The following FGD5 variants were observed in gnomAD, a reference collection of about 807,000 sequenced individuals.
FGD5 encodes FYVE, RhoGEF and PH domain containing 5.
Under a neutral mutation model 133.4 loss-of-function variants are expected in FGD5, and 28 were observed. The observed-to-expected ratio is 0.21, with a 90% CI of 0.16 to 0.29. The LOEUF is 0.29. FGD5 is among the 10% of genes least tolerant of loss of function. FGD5 has a pLI of 1.00. For synonymous variants in FGD5, 810 were observed against 776.5 expected (o/e 1.04, Z -0.72); for missense variants, 1,858 against 1,895.2 (o/e 0.98, Z 0.36).
chr3:14,875,333 C>G (rs562295296), intron 2 of FGD5, among the ~76,000 whole-genome samples: 1 of 152,036 alleles, frequency 6.6e-6, no homozygotes, highest in African/African-American at 2.4e-5. Flanking sequence ...AGGGGGGCTG[C>G]GTGGCTGAAG....
rs539553076 is a variant in FGD5 at position 14,910,026 on chromosome 3, A to G, written c.3337-835A>G. The stretch of plus-strand genomic sequence containing the variant: ...TGATCTGCCTGCCTCAGCCTCCCAA[A>G]GTGCTGGGATTACAGGCGTGAGCCA... On this transcript the variant is annotated intron_variant, in intron 10 of 19. Coordinates refer to ENST00000285046, the MANE Select transcript of FGD5 (RefSeq NM_152536.4). Among the ~76,000 whole-genome samples, 6 of 152,108 alleles carry G rather than the reference A, an allele frequency of 3.9e-5. No individual in the cohort carries two copies. The South Asian group carries it at 1.2e-3, about 32-fold the overall frequency.
At chr3:14,840,538 T>C (rs1226811144) in intron 1 of FGD5, among the ~76,000 whole-genome samples, 1 of 152,182 alleles carries the variant, frequency 6.6e-6, no homozygotes, top group African/African-American at 2.4e-5. Context: ...ATCTTGCTTT[T>C]GTTACTTTAC....
chr3:14,813,813 A>G (rs993198613), intron 1 of FGD5, among the ~76,000 whole-genome samples: 16 of 152,096 alleles, frequency 1.1e-4, no homozygotes, highest in Admixed American at 9.8e-4. Flanking sequence ...GCTCCTCCCA[A>G]TACCCCTGCT....
intron 9 of FGD5, among the ~76,000 whole-genome samples, chr3:14,903,374 T>TATA (rs2038279405): frequency 6.6e-6 from 1 of 152,090 alleles, no homozygotes; most frequent in South Asian, 2.1e-4. Flanking sequence ...TTATTATTAT[T>TATA]ATACTTTTAG....
chr3:14,842,642 C>G (rs2036945225), intron 1 of FGD5, among the ~76,000 whole-genome samples: 1 of 152,236 alleles, frequency 6.6e-6, no homozygotes, highest in Non-Finnish European at 1.5e-5. Flanking sequence ...TGTGATAGCT[C>G]TGATGTTGTC....
At chr3:14,848,084 G>T (rs2037085309) in intron 1 of FGD5, among the ~76,000 whole-genome samples, 1 of 152,200 alleles carries the variant, frequency 6.6e-6, no homozygotes, top group Non-Finnish European at 1.5e-5. Flanking sequence ...CAGGGAGGAA[G>T]TGTCGGTGTT....
Position 14,922,692 on chromosome 3 carries a change from A to G in FGD5, c.3807+144A>G. The G allele has an allele frequency of 8.5e-7, 1 of 1,176,200 alleles. No homozygotes were observed. The highest frequency in any genetic ancestry group is 2.6e-5 in the East Asian group (1 of 38,778). 72.9% of individuals were successfully genotyped at this position (1,176,200 alleles called of 1,614,324 possible). ...ATGTTCACACCAACCCGAGAGGAAC[A>G]GATTGCTAATTCCCATTTTATAGAT... On this transcript the variant is annotated intron_variant, in intron 15 of 19. Transcript: ENST00000285046. This position sits in a 1 kb window ranked among gnomAD's most constrained non-coding sequence, Gnocchi z 4.1.
At chr3:14,851,777 T>G (rs1463264446) in intron 1 of FGD5, among the ~76,000 whole-genome samples, 5 of 152,212 alleles carry the variant, frequency 3.3e-5, no homozygotes, top group Non-Finnish European at 1.5e-5. Flanking sequence ...AAAGCCTTCA[T>G]GGTCACAGTT....
chr3:14,874,212 C>G (rs1195928455), intron 2 of FGD5, among the ~76,000 whole-genome samples: 1 of 152,320 alleles, frequency 6.6e-6, no homozygotes, highest in East Asian at 1.9e-4. Flanking sequence ...CATGAGTGCA[C>G]TTACATGAGG....
In FGD5 at chr3:14,933,258, C is replaced by T. The variant is rs1575270496; in HGVS notation, c.*91C>T. The T allele has an allele frequency of 4.8e-6, 7 of 1,451,696 alleles. No individual in the cohort carries two copies. The highest frequency in any genetic ancestry group is 6.7e-6 in the Non-Finnish European group (7 of 1,050,446). The allele number at this position is 1,451,696 out of a possible 1,614,324, so 89.9% of individuals were successfully genotyped here. On this transcript the variant is annotated 3_prime_UTR_variant, in exon 20 of 20. Transcript: ENST00000285046. ...AGCTGTGGCTCAACTCATCCGGACA[C>T]ACACCTGGATTCAGCAATGAGGCCT...
rs990677605 is a variant in FGD5, at chr3:14,883,592, C to A, written c.2748+2820C>A. Among the ~76,000 whole-genome samples the A allele has an allele frequency of 3.3e-5, 5 of 152,334 alleles. No individual in the cohort carries two copies. The East Asian group carries it at 9.6e-4, about 29-fold the overall frequency. ...ACAGCAATCCATCCATTCATCTATC[C>A]ATCTGAATTGACCATTCATTCTGGA... is the stretch of plus-strand genomic sequence containing the variant. On this transcript the variant is annotated intron_variant, in intron 4 of 19. Coordinates refer to ENST00000285046, the MANE Select transcript of FGD5 (RefSeq NM_152536.4).
intron 1 of FGD5, among the ~76,000 whole-genome samples, chr3:14,859,416 G>T (rs902067790): frequency 6.6e-6 from 1 of 151,940 alleles, no homozygotes; most frequent in African/African-American, 2.4e-5. Context: ...AAATTAGCTG[G>T]GCATAATGGC....
chr3:14,870,655 G>A (rs1385815873), intron 2 of FGD5, among the ~76,000 whole-genome samples: 2 of 152,024 alleles, frequency 1.3e-5, no homozygotes, highest in Non-Finnish European at 2.9e-5. Flanking sequence ...CCTCTTCGCC[G>A]GCAGCCCGTT....
chr3:14,839,257 G>A (rs998566085), intron 1 of FGD5, among the ~76,000 whole-genome samples: 5 of 152,196 alleles, frequency 3.3e-5, no homozygotes, highest in African/African-American at 1.2e-4. Flanking sequence ...CTCCTCGGCT[G>A]TAACGTGGAG....
At chr3:14,916,964 C>T (rs773427466) in intron 11 of FGD5, among the ~76,000 whole-genome samples, 20 of 152,196 alleles carry the variant, frequency 1.3e-4, no homozygotes, top group Non-Finnish European at 2.8e-4. Flanking sequence ...TGCAGATAGA[C>T]ATTGGAATTG....
chr3:14,810,706 C>T, upstream of FGD5: 1 of 705,412 alleles, frequency 1.4e-6, no homozygotes, highest in Non-Finnish European at 1.7e-6. Flanking sequence ...GCGCGCCGCG[C>T]GGAGTCCGAG....
rs1454810077 is a variant in FGD5, at chr3:14,902,616, C to T, written c.3264+1555C>T. 2.0e-5 allele frequency among the ~76,000 whole-genome samples: 3 copies of T among 152,150 alleles called. No homozygotes were observed. In the East Asian group the frequency reaches 5.8e-4, roughly 29 times the overall value. Reference sequence around the variant, plus strand: ...TGTGGGTCAGACATGCCCTTTTAATCTTTAAGGTCCTCTCTTCTCTCACTC... The same window carrying T: ...TGTGGGTCAGACATGCCCTTTTAATTTTTAAGGTCCTCTCTTCTCTCACTC... On this transcript the variant is annotated intron_variant, in intron 9 of 19. Transcript: ENST00000285046.
At chr3:14,885,459 A>G (rs1025755341) in intron 4 of FGD5, among the ~76,000 whole-genome samples, 2 of 152,142 alleles carry the variant, frequency 1.3e-5, no homozygotes, top group Admixed American at 1.3e-4. Flanking sequence ...TCCTGCATTC[A>G]TGATAAACAG....
chr3:14,903,381 T>A (rs1191459394), intron 9 of FGD5, among the ~76,000 whole-genome samples: 1 of 151,386 alleles, frequency 6.6e-6, no homozygotes, highest in East Asian at 1.9e-4. Context: ...TATTATACTT[T>A]TAGGGTACAT....
Sources: gnomAD v4.1 joint callset for allele counts (sites outside exome capture counted in the v4.1 genomes callset) on GRCh38, gnomAD v4.1.1 for gene constraint, Gnocchi (gnomAD v3.1) non-coding constraint, MANE v1.5 for transcripts, NCBI Gene and HGNC (gene_info 2026-07-23, HGNC 2026-07-21) for gene names.